FGF1: variants seen among roughly 807,000 people sequenced by gnomAD.
FGF1 encodes beta-endothelial cell growth factor.
A neutral mutation model predicts 13.4 loss-of-function variants in FGF1; 9 were observed. The observed-to-expected ratio is 0.67, with a 90% CI of 0.40 to 1.17. The LOEUF (loss-of-function observed/expected upper bound fraction) is 1.17, where lower values mean the gene tolerates loss of function less well. Among genes scored for constraint, FGF1 ranks in the 50% most tolerant of loss-of-function variants. The pLI, the probability that FGF1 is intolerant of heterozygous loss-of-function variation, is 0.01. For synonymous variants in FGF1, 93 were observed against 79.0 expected, an observed-to-expected ratio of 1.18 and a Z score of -0.94; for missense variants, 156 against 192.7, an observed-to-expected ratio of 0.81 and a Z score of 1.13.
At chr5:142,608,471 G>T (rs950812603) in intron 2 of FGF1, among the ~76,000 whole-genome samples, 1 of 148,378 alleles carries the variant, frequency 6.7e-6, no homozygotes, top group African/African-American at 2.5e-5. Flanking sequence ...AATCGAATTT[G>T]GGGGAAAATA....
At chr5:142,608,718 TACAC>T (rs1024990221) in intron 2 of FGF1, among the ~76,000 whole-genome samples, 3 of 146,874 alleles carry the variant, frequency 2.0e-5, no homozygotes, top group Non-Finnish European at 4.5e-5. Context: ...CATATATATA[TACAC>T]ACACACATAT....
intron 2 of FGF1, among the ~76,000 whole-genome samples, chr5:142,610,693 T>C (rs1318625541): frequency 6.6e-6 from 1 of 152,124 alleles, no homozygotes; most frequent in African/African-American, 2.4e-5. Flanking sequence ...ACAGTCCATA[T>C]TGGTAATTGC....
intron 1 of FGF1, among the ~76,000 whole-genome samples, chr5:142,632,968 G>A (rs1763605323): frequency 6.6e-6 from 1 of 151,108 alleles, no homozygotes; most frequent in Non-Finnish European, 1.5e-5. Context: ...TCGCCAGGCT[G>A]GAGTACAGTG....
chr5:142,616,604 C>T (rs1195191327), intron 1 of FGF1, among the ~76,000 whole-genome samples: 1 of 152,126 alleles, frequency 6.6e-6, no homozygotes, highest in East Asian at 1.9e-4. Flanking sequence ...ATCCATAAGC[C>T]TCTAAGTCCT....
intron 1 of FGF1, among the ~76,000 whole-genome samples, chr5:142,622,068 C>T (rs1297963091): frequency 6.6e-6 from 1 of 152,226 alleles, no homozygotes; most frequent in Non-Finnish European, 1.5e-5. Flanking sequence ...CTTTTCATGA[C>T]TGGACTGTCA....
At chr5:142,687,827 G>T (rs1751497994), upstream of FGF1, among the ~76,000 whole-genome samples, 1 of 152,098 alleles carries the variant, frequency 6.6e-6, no homozygotes, top group Non-Finnish European at 1.5e-5. Flanking sequence ...CCCTGCTTTA[G>T]GTTAACCCCG....
At chr5:142,612,710 A>T (rs73797918) in intron 2 of FGF1, among the ~76,000 whole-genome samples, 14,373 of 152,068 alleles carry the variant, frequency 0.095, 1,101 homozygotes, top group African/African-American at 0.21. Context: ...ACAAAGCCCA[A>T]AAGAGCTAAT....
At chr5:142,641,209 A>C (rs1765151686) in intron 1 of FGF1, among the ~76,000 whole-genome samples, 1 of 152,036 alleles carries the variant, frequency 6.6e-6, no homozygotes, top group Admixed American at 6.5e-5. Context: ...AATGAGGACT[A>C]ACTGCCTATT....
intron 1 of FGF1, among the ~76,000 whole-genome samples, chr5:142,627,645 C>T (rs1451161959): frequency 1.3e-5 from 2 of 152,188 alleles, no homozygotes; most frequent in African/African-American, 4.8e-5. Flanking sequence ...GCCCCAAGCA[C>T]CACGCAGGAA....
intron 1 of FGF1, among the ~76,000 whole-genome samples, chr5:142,673,817 C>T (rs1771950269): frequency 6.6e-6 from 1 of 152,204 alleles, no homozygotes; most frequent in Non-Finnish European, 1.5e-5. Context: ...CTTAAAATGT[C>T]AATCATTGCC....
intron 3 of FGF1, among the ~76,000 whole-genome samples, chr5:142,599,207 T>C (rs1755932537): frequency 6.6e-6 from 1 of 152,202 alleles, no homozygotes; most frequent in South Asian, 2.1e-4. Context: ...GACTGATGGA[T>C]TGATTTTACT....
At chr5:142,614,500 A>G (rs1324915825) in intron 1 of FGF1, among the ~76,000 whole-genome samples, 1 of 152,172 alleles carries the variant, frequency 6.6e-6, no homozygotes, top group Non-Finnish European at 1.5e-5. Context: ...ACATCCTCAA[A>G]TTAAACACCA....
At chr5:142,670,814 CAT>C (rs1597407017) in intron 1 of FGF1, among the ~76,000 whole-genome samples, 1 of 152,356 alleles carries the variant, frequency 6.6e-6, no homozygotes, top group African/African-American at 2.4e-5. Context: ...CTTACAATCA[CAT>C]GTGTTATCTG....
chr5:142,632,922 CT>C (rs5871821), intron 1 of FGF1, among the ~76,000 whole-genome samples: 79,958 of 140,488 alleles, frequency 0.57, 22,418 homozygotes, highest in South Asian at 0.6. Context: ...AGGTTGTTTA[CT>C]TTTTTTTTTT....
intron 1 of FGF1, among the ~76,000 whole-genome samples, chr5:142,624,430 C>T (rs899082267): frequency 6.6e-6 from 1 of 152,172 alleles, no homozygotes; most frequent in South Asian, 2.1e-4. Context: ...TTAGAACTTT[C>T]CATTGTCATT....
chr5:142,632,488 A>G (rs1433664982), intron 1 of FGF1, among the ~76,000 whole-genome samples: 5 of 152,228 alleles, frequency 3.3e-5, no homozygotes, highest in Admixed American at 2.6e-4. Flanking sequence ...TATCAATTCA[A>G]CAAAGCAGGG....
intron 1 of FGF1, among the ~76,000 whole-genome samples, chr5:142,617,130 C>T (rs1281399734): frequency 6.6e-6 from 1 of 152,144 alleles, no homozygotes; most frequent in Non-Finnish European, 1.5e-5. Context: ...TTTGGGAGGC[C>T]GAGGTGGGTG....
At chr5:142,652,343 A>G (rs1273638320) in intron 1 of FGF1, among the ~76,000 whole-genome samples, 1 of 152,236 alleles carries the variant, frequency 6.6e-6, no homozygotes, top group Non-Finnish European at 1.5e-5. Context: ...ATGAAGAAAC[A>G]CAAGAGGCGC....
intron 1 of FGF1, among the ~76,000 whole-genome samples, chr5:142,634,416 G>C (rs942116247): frequency 6.6e-6 from 1 of 152,162 alleles, no homozygotes; most frequent in African/African-American, 2.4e-5. Flanking sequence ...AATGGCAGAC[G>C]GTTGTGAATT....
Sources: allele counts gnomAD v4.1 joint callset (sites outside exome capture counted in the v4.1 genomes callset), GRCh38; gene constraint gnomAD v4.1.1; transcripts MANE v1.5; gene names NCBI Gene and HGNC (gene_info 2026-07-23, HGNC 2026-07-21).